GRID1: variants seen among roughly 807,000 people sequenced by gnomAD.
The protein encoded by GRID1 is glutamate ionotropic receptor delta type subunit 1, also known as glutamate receptor ionotropic, delta-1.
A neutral mutation model predicts 98.0 loss-of-function variants in GRID1; 28 were observed. The observed-to-expected ratio is 0.29, with a 90% CI of 0.21 to 0.39. GRID1 has a LOEUF of 0.39. GRID1 is among the 10% of genes least tolerant of loss of function. The probability of loss-of-function intolerance (pLI) is 1.00; values close to 1 mark genes in which losing one functional copy is unlikely to be tolerated. For synonymous variants in GRID1, 553 were observed against 538.5 expected, an observed-to-expected ratio of 1.03 and a Z score of -0.37; for missense variants, 1,111 against 1,340.5, an observed-to-expected ratio of 0.83 and a Z score of 2.67.
rs1295092648 is a variant in GRID1 at position 85,820,026 on chromosome 10, G to GC, written c.1233+34469_1233+34470insG. The stretch of plus-strand genomic sequence containing the variant: ...GGAAGGAAGGAAGGAAGGAAGGAAG[G>GC]AAGGCAGGCAGGCAGGCAGGCAGGC... On this transcript the variant is annotated intron_variant, in intron 8 of 15. Coordinates refer to ENST00000327946, the MANE Select transcript of GRID1 (RefSeq NM_017551.3). Among the ~76,000 whole-genome samples, 455 of 106,172 alleles carry GC rather than the reference G, an allele frequency of 4.3e-3. 1 individual carries two copies. The highest frequency in any genetic ancestry group is 0.016 in the African/African-American group (300 of 18,982). 69.7% of individuals were successfully genotyped at this position (106,172 alleles called of 152,430 possible).
chr10:85,917,132 A>G (rs1346169730), intron 4 of GRID1, among the ~76,000 whole-genome samples: 1 of 152,170 alleles, frequency 6.6e-6, no homozygotes, highest in South Asian at 2.1e-4. Flanking sequence ...GAATTGGAAG[A>G]GACTGATGGT....
At chr10:85,731,775 C>T (rs1360071207) in intron 8 of GRID1, among the ~76,000 whole-genome samples, 3 of 130,064 alleles carry the variant, frequency 2.3e-5, no homozygotes, top group African/African-American at 8.7e-5. Flanking sequence ...GCACTCCAGC[C>T]TGGGCAACAG....
Position 86,345,255 on chromosome 10 carries a change from T to G in GRID1, c.235+18686A>C, listed in dbSNP as rs186548502. Among the ~76,000 whole-genome samples, 5 of 152,310 alleles carry G rather than the reference T, an allele frequency of 3.3e-5. No homozygotes were observed. The East Asian group carries it at 9.6e-4, about 29-fold the overall frequency. On this transcript the variant is annotated intron_variant, in intron 2 of 15. Transcript: ENST00000327946. ...GTACCCTTGTCATAAGCCAGCACCA[T>G]CTCAACAGTATATGTAATAAAGTCA...
chr10:85,837,638 GAAA>G (rs34037712), intron 8 of GRID1, among the ~76,000 whole-genome samples: 1 of 141,918 alleles, frequency 7.0e-6, no homozygotes. Flanking sequence ...GACAAAAGGA[GAAA>G]AAAAAAAAAC....
intron 12 of GRID1, among the ~76,000 whole-genome samples, chr10:85,702,395 T>C (rs1333768319): frequency 6.6e-6 from 1 of 151,902 alleles, no homozygotes; most frequent in Non-Finnish European, 1.5e-5. Context: ...GAAAAGGAAA[T>C]GAATTGAAAA....
chr10:85,977,552 A>G (rs1368722350), intron 4 of GRID1, among the ~76,000 whole-genome samples: 1 of 152,224 alleles, frequency 6.6e-6, no homozygotes, highest in East Asian at 1.9e-4. Context: ...TAGCTATGAA[A>G]CATTTCTAGC....
At position 86,215,289 on chromosome 10, in the gene GRID1, C is replaced by T. The variant is rs1186296053; in HGVS notation, c.236-8641G>A. Among the ~76,000 whole-genome samples the T allele has an allele frequency of 2.6e-5, 4 of 152,324 alleles. No individual in the cohort carries two copies. The East Asian group carries it at 5.8e-4, about 22-fold the overall frequency. On this transcript the variant is annotated intron_variant, in intron 2 of 15. Coordinates refer to ENST00000327946, the MANE Select transcript of GRID1 (RefSeq NM_017551.3). ...CGGACTGTCGTCCAGGGCAGGTGGG[C>T]AGCTCATGCAGTCAGGATGCACGAA...
chr10:86,203,479 G>A (rs941741573), intron 3 of GRID1, among the ~76,000 whole-genome samples: 2 of 147,166 alleles, frequency 1.4e-5, no homozygotes, highest in African/African-American at 4.9e-5. Flanking sequence ...TTGGAAATGG[G>A]CAGCAGCTGG....
intron 13 of GRID1, among the ~76,000 whole-genome samples, chr10:85,642,495 G>A (rs575518395): frequency 6.6e-6 from 1 of 152,302 alleles, no homozygotes; most frequent in East Asian, 1.9e-4. Context: ...GGGGTAACCT[G>A]CTAACTGATG....
At chr10:85,821,960 G>T (rs1265809265) in intron 8 of GRID1, among the ~76,000 whole-genome samples, 1 of 152,104 alleles carries the variant, frequency 6.6e-6, no homozygotes, top group Non-Finnish European at 1.5e-5. Context: ...TTAATAAATG[G>T]TGCTGGGAAC....
chr10:86,279,002 T>C (rs1373223762), intron 2 of GRID1, among the ~76,000 whole-genome samples: 1 of 152,208 alleles, frequency 6.6e-6, no homozygotes, highest in African/African-American at 2.4e-5. Context: ...ATGGACTGAA[T>C]GTTTGTGTTC....
At chr10:85,803,385 A>G (rs1842594828) in intron 8 of GRID1, among the ~76,000 whole-genome samples, 1 of 152,012 alleles carries the variant, frequency 6.6e-6, no homozygotes, top group South Asian at 2.1e-4. Context: ...AAATACGATT[A>G]ATTTATTTTT....
At chr10:86,157,144 G>A (rs1470792329) in intron 3 of GRID1, among the ~76,000 whole-genome samples, 2 of 152,166 alleles carry the variant, frequency 1.3e-5, no homozygotes, top group African/African-American at 2.4e-5. Context: ...ACAAGCTTAG[G>A]ATGGAAGCTA....
chr10:85,750,011 G>A (rs188122542), intron 8 of GRID1, among the ~76,000 whole-genome samples: 1 of 152,238 alleles, frequency 6.6e-6, no homozygotes, highest in East Asian at 1.9e-4. Context: ...TGGAATATAA[G>A]CTGCATGAGG....
At chr10:86,308,701 C>T (rs867877859) in intron 2 of GRID1, among the ~76,000 whole-genome samples, 1 of 152,176 alleles carries the variant, frequency 6.6e-6, no homozygotes, top group Non-Finnish European at 1.5e-5. Flanking sequence ...ATTCCTTACA[C>T]TTCTGGAGGC....
chr10:85,782,228 G>GCA (rs147841741), intron 8 of GRID1, among the ~76,000 whole-genome samples: 5,118 of 149,550 alleles, frequency 0.034, 129 homozygotes, highest in Middle Eastern at 0.052. Context: ...GAGTGCACAT[G>GCA]CACACACACA....
At chr10:85,989,720 C>G (rs193033345) in intron 4 of GRID1, among the ~76,000 whole-genome samples, 1 of 152,126 alleles carries the variant, frequency 6.6e-6, no homozygotes, top group Non-Finnish European at 1.5e-5. Flanking sequence ...GAAATCTGTC[C>G]CTGGTGCCAA....
At chr10:86,028,706 C>G (rs992845240) in intron 4 of GRID1, among the ~76,000 whole-genome samples, 7 of 152,068 alleles carry the variant, frequency 4.6e-5, no homozygotes, top group African/African-American at 1.7e-4. Context: ...GGAGTATCCA[C>G]CCTTCTCTCT....
chr10:86,322,572 A>G (rs922503129), intron 2 of GRID1, among the ~76,000 whole-genome samples: 6 of 151,848 alleles, frequency 4.0e-5, no homozygotes, highest in African/African-American at 1.2e-4. Flanking sequence ...CACCATGCCC[A>G]GCTAATTTTT....
Sources: gnomAD v4.1 joint callset for allele counts (sites outside exome capture counted in the v4.1 genomes callset) on GRCh38, gnomAD v4.1.1 for gene constraint, MANE v1.5 for transcripts, NCBI Gene and HGNC (gene_info 2026-07-23, HGNC 2026-07-21) for gene names.